SACM1L: variants seen among roughly 807,000 people sequenced by gnomAD.
The protein encoded by SACM1L is phosphatidylinositol-3-phosphatase SAC1.
Under a neutral mutation model 89.5 loss-of-function variants are expected in SACM1L, and 32 were observed. That is an observed-to-expected ratio of 0.36 (90% CI 0.27 to 0.48). The LOEUF is 0.48. SACM1L is among the 20% of genes least tolerant of loss of function. SACM1L has a pLI of 0.99. For synonymous variants in SACM1L, 213 were observed against 232.8 expected (o/e 0.92, Z 0.77); for missense variants, 543 against 708.5 (o/e 0.77, Z 2.65).
chr3:45,690,977 T>C (rs922357943), intron 1 of SACM1L, among the ~76,000 whole-genome samples: 4 of 152,166 alleles, frequency 2.6e-5, no homozygotes, highest in African/African-American at 4.8e-5. Flanking sequence ...GTGGCAAAGA[T>C]TGAATAGGAT....
intron 3 of SACM1L, 51 bp from the exon 4 acceptor site, chr3:45,706,729 C>T (rs766802751): frequency 1.3e-6 from 2 of 1,484,424 alleles, no homozygotes; most frequent in South Asian, 1.2e-5. Flanking sequence ...CTATTTCTAC[C>T]TTTAGAGTTA....
intron 5 of SACM1L, among the ~76,000 whole-genome samples, chr3:45,712,466 T>G (rs1698552099): frequency 6.6e-6 from 1 of 152,106 alleles, no homozygotes; most frequent in African/African-American, 2.4e-5. Flanking sequence ...AACTCCTAAG[T>G]CTCAAGTGAT....
intron 13 of SACM1L, chr3:45,734,468 T>A (rs538613289): frequency 1.9e-4 from 29 of 152,064 alleles, no homozygotes; most frequent in African/African-American, 4.8e-4. Context: ...AAATTTTTTT[T>A]AATTTAGATA....
At chr3:45,743,167 G>T (rs1699353263) in intron 19 of SACM1L, among the ~76,000 whole-genome samples, 1 of 152,074 alleles carries the variant, frequency 6.6e-6, no homozygotes, top group Non-Finnish European at 1.5e-5. Context: ...ATAGTTATTT[G>T]TATTATTAAA....
In SACM1L at chr3:45,719,606, G is replaced by T; in HGVS notation, c.679+5G>T. On this transcript the variant is annotated splice_donor_5th_base_variant and intron_variant, in intron 8 of 19. Transcript: ENST00000389061. ...GTGTGCGCTATTATGTAAGAGGTGA[G>T]AATTTTGTCAGCATGGGTCATATCT... The T allele has an allele frequency of 6.3e-7, 1 of 1,577,054 alleles. No homozygotes were observed. The highest frequency in any genetic ancestry group is 8.7e-7 in the Non-Finnish European group (1 of 1,151,470).
chr3:45,734,412 CA>C (rs571706177), intron 13 of SACM1L, among the ~76,000 whole-genome samples: 27 of 129,420 alleles, frequency 2.1e-4, no homozygotes, highest in Non-Finnish European at 2.8e-4. Context: ...GATTCCATCT[CA>C]AAAAAAAAAG....
rs139970415 is a variant in SACM1L, at chr3:45,724,563, C to T, written c.921+1020C>T. Reference sequence around the variant, plus strand: ...ATATTTATCTCTTAGCAGACAGGTGCTTTACAAATATTTTCTCCCACTCTT... The same window carrying T: ...ATATTTATCTCTTAGCAGACAGGTGTTTTACAAATATTTTCTCCCACTCTT... On this transcript the variant is annotated intron_variant, in intron 11 of 19. Coordinates refer to ENST00000389061, the MANE Select transcript of SACM1L (RefSeq NM_014016.5). Among the ~76,000 whole-genome samples the T allele has an allele frequency of 2.6e-3, 393 of 152,154 alleles. 12 individuals are homozygous for T. The East Asian group carries it at 0.046, about 18-fold the overall frequency.
At chr3:45,740,354 G>T (rs1300530062) in intron 19 of SACM1L, among the ~76,000 whole-genome samples, 1 of 152,174 alleles carries the variant, frequency 6.6e-6, no homozygotes, top group African/African-American at 2.4e-5. Flanking sequence ...CATTGTCAGG[G>T]TGAGGGAGAT....
chr3:45,708,385 T>G (rs945176673), intron 4 of SACM1L, among the ~76,000 whole-genome samples: 1 of 152,160 alleles, frequency 6.6e-6, no homozygotes, highest in Admixed American at 6.5e-5. Context: ...TAATGTAATT[T>G]TAGTTACATG....
At position 45,697,269 on chromosome 3, in the gene SACM1L, C is replaced by CTTTTTTTT. The variant is rs869095037; in HGVS notation, c.33-6151_33-6144dup. ...CCTGCTTTGTTTTTCTTTTCTTTTC[C>CTTTTTTTT]TTTTTTTTTTTTTTTTTTTTTTTTT... On this transcript the variant is annotated intron_variant, in intron 1 of 19. Transcript: ENST00000389061. Among the ~76,000 whole-genome samples the CTTTTTTTT allele has an allele frequency of 1.0e-3, 96 of 92,112 alleles. 3 individuals are homozygous for CTTTTTTTT. Among genetic ancestry groups the CTTTTTTTT allele is most frequent in the African/African-American group, 3.7e-3 (85 of 23,030 alleles). 60.4% of individuals were successfully genotyped at this position (92,112 alleles called of 152,430 possible). A position where few individuals can be genotyped will look rare whatever the true frequency, so the allele number is the denominator to read the frequency against.
chr3:45,742,828 A>C (rs1234532521), intron 19 of SACM1L: 1 of 152,262 alleles, frequency 6.6e-6, no homozygotes, highest in Non-Finnish European at 1.5e-5. Context: ...TTTGAGCAGG[A>C]GATCACCAGG....
intron 5 of SACM1L, among the ~76,000 whole-genome samples, chr3:45,712,319 A>G (rs1698548767): frequency 6.6e-6 from 1 of 152,160 alleles, no homozygotes; most frequent in Non-Finnish European, 1.5e-5. Context: ...ATCTTGGCTC[A>G]TTGCAGCCTC....
At position 45,709,524 on chromosome 3, in the gene SACM1L, G is replaced by T; in HGVS notation, c.360G>T (p.Ala120=). 1 of 1,611,900 alleles carries T rather than the reference G, an allele frequency of 6.2e-7. No homozygotes were observed. The highest frequency in any genetic ancestry group is 8.5e-7 in the Non-Finnish European group (1 of 1,179,088). The change falls in exon 5 of 20, where the codon GCG becomes GCT. Residue 120 remains alanine (A), a synonymous_variant. Coordinates refer to ENST00000389061, the MANE Select transcript of SACM1L (RefSeq NM_014016.5). ...TACAAGATAATAAAACCTTCCTAGCGATGCTAAACCATGTCTTGAATGTGG... is the reference window on the plus strand; with the variant it reads ...TACAAGATAATAAAACCTTCCTAGCTATGCTAAACCATGTCTTGAATGTGG... ...IQLQDNKTFL[A]MLNHVLNVDG...
intron 1 of SACM1L, among the ~76,000 whole-genome samples, chr3:45,703,039 G>T (rs1559537870): frequency 6.6e-6 from 1 of 152,112 alleles, no homozygotes; most frequent in Non-Finnish European, 1.5e-5. Flanking sequence ...GATGAATCTG[G>T]TATTATCGTT....
intron 11 of SACM1L, 24 bp from the exon 12 acceptor site, chr3:45,731,277 T>C (rs1364653934): frequency 6.5e-7 from 1 of 1,535,524 alleles, no homozygotes; most frequent in Non-Finnish European, 9.0e-7. Flanking sequence ...AACTGGAAAC[T>C]ATGGTGTTTG....
At position 45,722,883 on chromosome 3, in the gene SACM1L, A is replaced by G; in HGVS notation, c.780A>G (p.Ile260Met). The G allele has an allele frequency of 1.2e-6, 2 of 1,612,780 alleles. No individual in the cohort carries two copies. The highest frequency in any genetic ancestry group is 4.5e-5 in the East Asian group (2 of 44,858). Residue 260 changes from isoleucine to methionine, a missense_variant, in exon 10 of 20, where the codon ATA (isoleucine) becomes ATG (methionine). Transcript: ENST00000389061. ...KASFVQTRGS[I>M]PVFWSQRPNL... ...TTTTCTTTTAGACTCGAGGATCAAT[A>G]CCTGTTTTCTGGTCCCAAAGACCAA...
intron 11 of SACM1L, among the ~76,000 whole-genome samples, chr3:45,727,011 G>A (rs1698938100): frequency 1.4e-5 from 1 of 69,814 alleles, no homozygotes; most frequent in South Asian, 3.7e-4. Flanking sequence ...TCAGCCTCCC[G>A]AGTAGCTGGG....
intron 1 of SACM1L, among the ~76,000 whole-genome samples, chr3:45,695,964 G>A (rs1575382426): frequency 6.8e-6 from 1 of 148,072 alleles, no homozygotes; most frequent in Admixed American, 6.7e-5. Flanking sequence ...TGTCCTTAAG[G>A]TTCATCCATT....
At chr3:45,735,565 C>T (rs1424495360) in intron 14 of SACM1L, among the ~76,000 whole-genome samples, 192 bp downstream of exon 14, 2 of 152,058 alleles carry the variant, frequency 1.3e-5, no homozygotes, top group East Asian at 3.9e-4. Context: ...TTCACTTTTG[C>T]CATTTTCCCT....
Sources: allele counts gnomAD v4.1 joint callset (sites outside exome capture counted in the v4.1 genomes callset), GRCh38; gene constraint gnomAD v4.1.1; transcripts MANE v1.5; gene names NCBI Gene and HGNC (gene_info 2026-07-23, HGNC 2026-07-21).